Variants in TENM3 observed in about 807,000 individuals in gnomAD.
The protein encoded by TENM3 is teneurin-3.
Under a neutral mutation model 255.1 loss-of-function variants are expected in TENM3, and 63 were observed. The observed-to-expected ratio is 0.25, with a 90% CI of 0.20 to 0.30. The LOEUF (loss-of-function observed/expected upper bound fraction) is 0.30. TENM3 is among the 10% of genes least tolerant of loss of function. The probability of loss-of-function intolerance (pLI) is 1.00; values close to 1 mark genes in which losing one functional copy is unlikely to be tolerated. For synonymous variants in TENM3, 1,306 were observed against 1,322.3 expected, an observed-to-expected ratio of 0.99 and a Z score of 0.27; for missense variants, 2,929 against 3,461.1, an observed-to-expected ratio of 0.85 and a Z score of 3.86.
In TENM3 at chr4:182,601,055, A is replaced by C. The variant is rs2152412500; in HGVS notation, c.643A>C (p.Ser215Arg). 6.2e-7 allele frequency: 1 copy of C among 1,613,702 alleles called. No homozygotes were observed. The highest frequency in any genetic ancestry group is 1.1e-5 in the South Asian group (1 of 91,070). The change falls in exon 4 of 28, where the codon AGT (serine) becomes CGT (arginine). Residue 215 changes from serine (S) to arginine (R), a missense_variant. Physicochemically the swap from Ser to Arg is moderately radical, Grantham distance 110 (BLOSUM62 -1). Around this residue, in one of 6 missense-constraint regions of TENM3, gnomAD observed 1,608 missense variants for 1,884.4 expected, o/e 0.85. Coordinates refer to ENST00000511685, the MANE Select transcript of TENM3 (RefSeq NM_001080477.4). ...CTCCCTGACCAATAGAAGGAACCAG[A>C]GTCCGGCCCCGCCGGCTGCTTTGCC... ...RNSLTNRRNQ[S>R]PAPPAALPAE... is the part of the protein sequence containing the mutation.
At chr4:182,758,767 A>G (rs1437741372) in intron 22 of TENM3, among the ~76,000 whole-genome samples, 1 of 152,172 alleles carries the variant, frequency 6.6e-6, no homozygotes, top group Non-Finnish European at 1.5e-5. Flanking sequence ...CACCAAAACC[A>G]CAACGAGATT....
At chr4:182,452,433 G>A (rs886076334) in intron 3 of TENM3, among the ~76,000 whole-genome samples, 1 of 152,090 alleles carries the variant, frequency 6.6e-6, no homozygotes, top group Non-Finnish European at 1.5e-5. Flanking sequence ...CAGTGGCCTG[G>A]TTCTTAGCTA....
intron 1 of TENM3, among the ~76,000 whole-genome samples, chr4:182,302,567 T>C (rs768638238): frequency 1.3e-5 from 2 of 152,130 alleles, no homozygotes; most frequent in African/African-American, 2.4e-5. Context: ...TTAAGTTGAA[T>C]AGAAACATCA....
At chr4:181,788,058 T>C in the TENM3 span, among the ~76,000 whole-genome samples, 1 of 152,100 alleles carries the variant, frequency 6.6e-6, no homozygotes, top group African/African-American at 2.4e-5. Context: ...GCTTCTTGGG[T>C]TTGTGTTTTT....
chr4:181,589,959 C>A, the TENM3 span, among the ~76,000 whole-genome samples: 1 of 152,164 alleles, frequency 6.6e-6, no homozygotes, highest in Admixed American at 6.5e-5. Context: ...CTACTTGCCC[C>A]TCCCACTTCT....
At chr4:182,537,837 G>A (rs1334198926) in intron 3 of TENM3, among the ~76,000 whole-genome samples, 1 of 152,122 alleles carries the variant, frequency 6.6e-6, no homozygotes, top group Non-Finnish European at 1.5e-5. Flanking sequence ...ACCCCATACA[G>A]TGTTCTGTGA....
At chr4:181,541,961 G>A in the TENM3 span, among the ~76,000 whole-genome samples, 1 of 152,164 alleles carries the variant, frequency 6.6e-6, no homozygotes, top group Admixed American at 6.5e-5. Context: ...GGGTGCTCAT[G>A]GAAAGATGCC....
At chr4:182,147,680 T>C (rs910983719) in intron 1 of TENM3, among the ~76,000 whole-genome samples, 1 of 152,172 alleles carries the variant, frequency 6.6e-6, no homozygotes, top group African/African-American at 2.4e-5. Flanking sequence ...GGCATACTTT[T>C]TTTTACTTAG....
the TENM3 span, among the ~76,000 whole-genome samples, chr4:181,668,569 G>T: frequency 1.3e-5 from 2 of 152,036 alleles, no homozygotes; most frequent in Non-Finnish European, 2.9e-5. Context: ...TTTACATAGT[G>T]TCCTTCTTGT....
At chr4:182,717,431 A>C (rs893199120) in intron 13 of TENM3, among the ~76,000 whole-genome samples, 5 of 152,152 alleles carry the variant, frequency 3.3e-5, no homozygotes, top group African/African-American at 1.2e-4. Flanking sequence ...ACGCTGGGTA[A>C]CTGTAGCTTT....
intron 3 of TENM3, among the ~76,000 whole-genome samples, chr4:182,352,028 C>A (rs1313801807): frequency 6.6e-6 from 1 of 151,962 alleles, no homozygotes; most frequent in African/African-American, 2.4e-5. Context: ...GTTAAATAAA[C>A]AATATCAAGT....
the TENM3 span, among the ~76,000 whole-genome samples, chr4:181,930,174 G>C: frequency 6.6e-6 from 1 of 152,018 alleles, no homozygotes; most frequent in Admixed American, 6.6e-5. Context: ...AGTAAGATCA[G>C]AGCAGAACTG....
intron 10 of TENM3, among the ~76,000 whole-genome samples, chr4:182,681,194 G>A (rs184309669): frequency 6.6e-6 from 1 of 152,248 alleles, no homozygotes; most frequent in Non-Finnish European, 1.5e-5. Flanking sequence ...ATACCATACT[G>A]TAAAGTGCAG....
intron 3 of TENM3, among the ~76,000 whole-genome samples, chr4:182,373,574 A>G (rs1346767659): frequency 6.6e-6 from 1 of 152,050 alleles, no homozygotes; most frequent in Non-Finnish European, 1.5e-5. Flanking sequence ...ATAGGGTGAG[A>G]ACTCACTCAT....
chr4:181,464,843 T>C, the TENM3 span, among the ~76,000 whole-genome samples: 2 of 152,004 alleles, frequency 1.3e-5, no homozygotes, highest in East Asian at 3.9e-4. Context: ...CTCAGCTACT[T>C]GGGAGGCTGA....
At chr4:182,787,536 C>T (rs1054022647) in intron 24 of TENM3, among the ~76,000 whole-genome samples, 1 of 151,944 alleles carries the variant, frequency 6.6e-6, no homozygotes, top group Admixed American at 6.6e-5. Flanking sequence ...GAGTTCGAGA[C>T]CAGCCTGGCC....
the TENM3 span, among the ~76,000 whole-genome samples, chr4:181,763,045 C>A: frequency 6.6e-6 from 1 of 152,070 alleles, no homozygotes; most frequent in Non-Finnish European, 1.5e-5. Flanking sequence ...ATAATACTTT[C>A]TGTTACATCT....
intron 1 of TENM3, among the ~76,000 whole-genome samples, chr4:182,167,006 G>T (rs1751766529): frequency 1.3e-5 from 2 of 152,230 alleles, no homozygotes; most frequent in African/African-American, 4.8e-5. Context: ...ATTGAAGTGG[G>T]CTACCTATAA....
At chr4:181,507,365 T>G in the TENM3 span, among the ~76,000 whole-genome samples, 26,441 of 152,218 alleles carry the variant, frequency 0.17, 3,025 homozygotes, top group African/African-American at 0.32. Flanking sequence ...CATCTGAAAT[T>G]ACATCACACC....
Sources: allele counts gnomAD v4.1 joint callset (sites outside exome capture counted in the v4.1 genomes callset), GRCh38; gene constraint gnomAD v4.1.1; regional missense constraint gnomAD v4.1.1; transcripts MANE v1.5; gene names NCBI Gene and HGNC (gene_info 2026-07-23, HGNC 2026-07-21).